LRRC75A: variants seen among roughly 807,000 people sequenced by gnomAD.
LRRC75A encodes leucine-rich repeat-containing protein 75A.
In LRRC75A, 12 loss-of-function variants were observed where a neutral mutation model predicts 26.0. That is an observed-to-expected ratio of 0.46 (90% CI 0.30 to 0.75). The LOEUF (loss-of-function observed/expected upper bound fraction) is 0.75. LRRC75A is among the 30% of genes least tolerant of loss of function. The pLI is 0.08. For missense variants in LRRC75A, 410 were observed against 486.6 expected (o/e 0.84, Z 1.48); for synonymous variants, 223 against 219.3 (o/e 1.02, Z -0.15).
intron 1 of LRRC75A, among the ~76,000 whole-genome samples, chr17:16,475,579 A>T (rs2093817693): frequency 6.6e-6 from 1 of 152,168 alleles, no homozygotes; most frequent in Non-Finnish European, 1.5e-5. Flanking sequence ...TTTGAGACAG[A>T]GTCTCTCTGT....
intron 1 of LRRC75A, among the ~76,000 whole-genome samples, chr17:16,465,528 A>G (rs2093761188): frequency 6.6e-6 from 1 of 152,160 alleles, no homozygotes; most frequent in East Asian, 1.9e-4. Flanking sequence ...AAACAAATGA[A>G]CGCAGTTCTG....
At chr17:16,476,378 A>AT (rs201438489) in intron 1 of LRRC75A, among the ~76,000 whole-genome samples, 2,596 of 148,776 alleles carry the variant, frequency 0.017, 28 homozygotes, top group African/African-American at 0.021. Flanking sequence ...AAAAAAAAAA[A>AT]TTTTTTTTTT....
At chr17:16,488,863 CAGA>C (rs1256767242) in intron 1 of LRRC75A, among the ~76,000 whole-genome samples, 6 of 152,124 alleles carry the variant, frequency 3.9e-5, no homozygotes, top group Non-Finnish European at 8.8e-5. Flanking sequence ...GAGGGGCATT[CAGA>C]AGAAGTGGCA....
intron 2 of LRRC75A, among the ~76,000 whole-genome samples, chr17:16,453,320 GCACA>G (rs1197458042): frequency 9.3e-6 from 1 of 107,410 alleles, no homozygotes; most frequent in African/African-American, 2.8e-5. Context: ...ACGCACACAC[GCACA>G]CACGCACACG....
chr17:16,458,680 G>A (rs1011575330), intron 2 of LRRC75A, among the ~76,000 whole-genome samples: 3 of 151,960 alleles, frequency 2.0e-5, no homozygotes, highest in African/African-American at 7.3e-5. Context: ...GGTCAGGCTG[G>A]TCTCGAACTT....
Position 16,443,012 on chromosome 17 carries a change from G to C in LRRC75A, c.*576C>G, listed in dbSNP as rs1017108248. 1 of 152,712 alleles carries C rather than the reference G, an allele frequency of 6.5e-6. No individual in the cohort carries two copies. Among genetic ancestry groups the C allele is most frequent in the African/African-American group, 2.4e-5 (1 of 41,444 alleles). The allele number at this position is 152,712 out of a possible 1,614,324, so 9.5% of individuals were successfully genotyped here. On this transcript the variant is annotated 3_prime_UTR_variant, in exon 4 of 4. Coordinates refer to ENST00000470794, the MANE Select transcript of LRRC75A (RefSeq NM_001113567.3). ...GGGCAGATGCCTAGAATCAAGGTGG[G>C]CCTCAGAAATAGGGCTGGGTCTCCA...
rs2093597802 is a variant in LRRC75A, at chr17:16,447,739, G to A, written c.491+106C>T. The stretch of plus-strand genomic sequence containing the variant: ...CTTACCTCCTTCAGGCAGCTTCTAT[G>A]ACCACCCCCCATGACTCCGCCCTTC... On this transcript the variant is annotated intron_variant, in intron 3 of 3. Coordinates refer to ENST00000470794, the MANE Select transcript of LRRC75A (RefSeq NM_001113567.3). 6 of 828,106 alleles carry A rather than the reference G, an allele frequency of 7.2e-6. No homozygotes were observed. In the South Asian group the frequency reaches 1.1e-4, roughly 15 times the overall value. The allele number at this position is 828,106 out of a possible 1,614,324, so 51.3% of individuals were successfully genotyped here. A position where few individuals can be genotyped will look rare whatever the true frequency, so the allele number is the denominator to read the frequency against.
chr17:16,476,377 A>C (rs1462669689), intron 1 of LRRC75A, among the ~76,000 whole-genome samples: 1 of 149,218 alleles, frequency 6.7e-6, no homozygotes, highest in Non-Finnish European at 1.5e-5. Flanking sequence ...CAAAAAAAAA[A>C]ATTTTTTTTT....
chr17:16,491,838 G>A lies in LRRC75A; in HGVS notation c.153C>T (p.Tyr51=), dbSNP rs1342487386. The stretch of plus-strand genomic sequence containing the variant: ...CCTGGACCATGCCGACTCGCCGGTG[G>A]TAGGGGGGCATCCCCGCGCCCGCGC... ...AGRAGAGMPP[Y]HRRVGMVQEL... Residue 51 remains tyrosine (Y), a synonymous_variant, in exon 1 of 4, where the codon TAC becomes TAT. Coordinates refer to ENST00000470794, the MANE Select transcript of LRRC75A (RefSeq NM_001113567.3). This position sits in a 1 kb window ranked among gnomAD's most constrained non-coding sequence, Gnocchi z 5.9. 8.5e-6 allele frequency: 12 copies of A among 1,404,628 alleles called. No homozygotes were observed. Among genetic ancestry groups the A allele is most frequent in the Non-Finnish European group, 1.1e-5 (12 of 1,075,902 alleles). The allele number at this position is 1,404,628 out of a possible 1,614,324, so 87.0% of individuals were successfully genotyped here. A position where few individuals can be genotyped will look rare whatever the true frequency, so the allele number is the denominator to read the frequency against.
At chr17:16,444,757 A>G (rs4430787) in intron 3 of LRRC75A, among the ~76,000 whole-genome samples, 91,244 of 150,836 alleles carry the variant, frequency 0.6, 28,239 homozygotes, top group Non-Finnish European at 0.67. Flanking sequence ...AGCTGATGGC[A>G]AGTGTGCCCT....
chr17:16,442,445 G>T lies in LRRC75A; in HGVS notation c.*1143C>A, dbSNP rs1403255041. ...TCCTGGACTGAACTACTTGGATCTA[G>T]GGGTTGCCTGTTATTTAGAAGAGAT... On this transcript the variant is annotated 3_prime_UTR_variant, in exon 4 of 4. Coordinates refer to ENST00000470794, the MANE Select transcript of LRRC75A (RefSeq NM_001113567.3). 3 of 152,254 alleles carry T rather than the reference G, an allele frequency of 2.0e-5. No homozygotes were observed. The highest frequency in any genetic ancestry group is 6.5e-5 in the Admixed American group (1 of 15,278). The allele number at this position is 152,254 out of a possible 1,614,324, so 9.4% of individuals were successfully genotyped here.
chr17:16,460,613 C>T (rs950759192), intron 2 of LRRC75A, among the ~76,000 whole-genome samples: 3 of 152,240 alleles, frequency 2.0e-5, no homozygotes, highest in African/African-American at 4.8e-5. Context: ...GCCTGTGTCC[C>T]GCCCGGCTCT....
chr17:16,478,839 A>G (rs1333194118), intron 1 of LRRC75A, among the ~76,000 whole-genome samples: 1 of 152,220 alleles, frequency 6.6e-6, no homozygotes, highest in Non-Finnish European at 1.5e-5. Context: ...AAGGCTGTGG[A>G]AAACATAAGT....
chr17:16,482,399 GGGCTCTTCCCACAGGTCCCT>G (rs2093836595), intron 1 of LRRC75A, among the ~76,000 whole-genome samples: 1 of 152,138 alleles, frequency 6.6e-6, no homozygotes, highest in East Asian at 1.9e-4. Flanking sequence ...AGATAGCTGG[GGGCTCTTCCCACAGGTCCCT>G]GGCATGCTCT....
intron 1 of LRRC75A, among the ~76,000 whole-genome samples, chr17:16,484,557 C>A (rs2093842055): frequency 6.6e-6 from 1 of 152,096 alleles, no homozygotes; most frequent in Non-Finnish European, 1.5e-5. Context: ...GTTCTCATGG[C>A]CCCACTCCCC....
intron 1 of LRRC75A, among the ~76,000 whole-genome samples, chr17:16,474,861 T>C (rs1052404727): frequency 7.9e-5 from 12 of 151,506 alleles, no homozygotes; most frequent in African/African-American, 1.5e-4. Context: ...GGCGTGGTGG[T>C]GGGCGCCTGT....
In LRRC75A at chr17:16,443,796, G is replaced by C. The variant is rs1568943408; in HGVS notation, c.827C>G (p.Ser276Cys). Reference sequence around the variant, plus strand: ...GCTGAGCAGGAAGGGCTGGGGCAAGGAGAAGATGTCCACGTTGTTGCCCAG... The same window carrying C: ...GCTGAGCAGGAAGGGCTGGGGCAAGCAGAAGATGTCCACGTTGTTGCCCAG... ...IDLGNNVDIF[S>C]LPQPFLLSLR... The change falls in exon 4 of 4, where the codon TCC becomes TGC. Residue 276 changes from serine (S) to cysteine (C), a missense_variant. By Grantham distance (112) the Ser-to-Cys change is moderately radical. Transcript: ENST00000470794. 7.4e-6 allele frequency: 12 copies of C among 1,613,896 alleles called. No individual in the cohort carries two copies. The highest frequency in any genetic ancestry group is 2.2e-5 in the East Asian group (1 of 44,872).
At chr17:16,482,355 A>G (rs537468794) in intron 1 of LRRC75A, among the ~76,000 whole-genome samples, 1 of 152,068 alleles carries the variant, frequency 6.6e-6, no homozygotes, top group South Asian at 2.1e-4. Flanking sequence ...ATGGGGTGGG[A>G]ATGTGCCTGG....
intron 1 of LRRC75A, among the ~76,000 whole-genome samples, chr17:16,471,438 T>C (rs1336098214): frequency 6.6e-6 from 1 of 152,160 alleles, no homozygotes; most frequent in East Asian, 1.9e-4. Context: ...GAGGTGGCAT[T>C]TTTCCCAGGG....
Sources: allele counts gnomAD v4.1 joint callset (sites outside exome capture counted in the v4.1 genomes callset), GRCh38; gene constraint gnomAD v4.1.1; non-coding constraint Gnocchi (gnomAD v3.1); transcripts MANE v1.5; gene names NCBI Gene and HGNC (gene_info 2026-07-23, HGNC 2026-07-21).